TREH: variants seen among roughly 807,000 people sequenced by gnomAD.
The protein encoded by TREH is alpha,alpha-trehalose glucohydrolase.
In TREH, 69 loss-of-function variants were observed where a neutral mutation model predicts 80.5. The observed-to-expected ratio is 0.86, with a 90% CI of 0.71 to 1.05. The LOEUF (loss-of-function observed/expected upper bound fraction) is 1.05. TREH is among the 50% of genes least tolerant of loss of function. The probability of loss-of-function intolerance (pLI) is 0.00; values close to 1 mark genes in which losing one functional copy is unlikely to be tolerated. For synonymous variants in TREH, 309 were observed against 293.5 expected (o/e 1.05, Z -0.54); for missense variants, 716 against 718.8 (o/e 1.00, Z 0.04).
rs781881348 is a variant in TREH at position 118,662,913 on chromosome 11, G to A, written c.391C>T (p.Leu131=). 1.9e-6 allele frequency: 3 copies of A among 1,604,968 alleles called. No individual in the cohort carries two copies. The highest frequency in any genetic ancestry group is 2.6e-6 in the Non-Finnish European group (3 of 1,175,610). The change falls in exon 4 of 15, where the codon CTG becomes TTG. Residue 131 remains leucine (L), a synonymous_variant. Transcript: ENST00000264029. ...DAKLRAWAGQ[L]HQLWKKLGKK... is the part of the protein sequence containing the mutation. ...CCCAGCTTCTTCCAGAGCTGATGCA[G>A]CTGCCCTGCCCAGGCACGCAGTTTG...
In TREH at chr11:118,658,134, C is replaced by G; in HGVS notation, c.*155G>C. The stretch of plus-strand genomic sequence containing the variant: ...TTCAAGGTTCCAGGAGGGAGCTAGG[C>G]CCCTACCCATGACCTCCAGGTCGTG... On this transcript the variant is annotated 3_prime_UTR_variant, in exon 15 of 15. Transcript: ENST00000264029. 6 of 1,062,774 alleles carry G rather than the reference C, an allele frequency of 5.6e-6. No homozygotes were observed. Among genetic ancestry groups the G allele is most frequent in the South Asian group, 1.6e-5 (1 of 60,786 alleles). 65.8% of individuals were successfully genotyped at this position (1,062,774 alleles called of 1,614,324 possible). A position where few individuals can be genotyped will look rare whatever the true frequency, so the allele number is the denominator to read the frequency against.
In TREH at chr11:118,661,359, G is replaced by A. The variant is rs1555144927; in HGVS notation, c.734+34C>T. On this transcript the variant is annotated intron_variant, in intron 7 of 14. Transcript: ENST00000264029. The surrounding 1 kb of genome is among the most constrained non-coding windows in gnomAD (Gnocchi z 4.2). The stretch of plus-strand genomic sequence containing the variant: ...CCTGAGAGGTCTGAGGGATGGGTGG[G>A]TCTGCAGAGCAGCACAGGGAGGGTG... The A allele has an allele frequency of 6.2e-7, 1 of 1,613,934 alleles. No homozygotes were observed. The highest frequency in any genetic ancestry group is 2.2e-5 in the East Asian group (1 of 44,878).
At position 118,671,101 on chromosome 11, in the gene TREH, A is replaced by T. The variant is rs117994385; in HGVS notation, c.90-7662T>A. On this transcript the variant is annotated intron_variant, in intron 1 of 14. Coordinates refer to ENST00000264029, the MANE Select transcript of TREH (RefSeq NM_007180.3). ...TCCCATTCATATAGGGCAGGCTTAC[A>T]TAGGTACAGAACTAGTAAGCTATCT... is the stretch of plus-strand genomic sequence containing the variant. 2.0e-3 allele frequency among the ~76,000 whole-genome samples: 306 copies of T among 152,294 alleles called. 10 individuals carry two copies. The East Asian group carries it at 0.044, about 22-fold the overall frequency.
chr11:118,661,623 C>T lies in TREH; in HGVS notation c.617+14G>A. On this transcript the variant is annotated intron_variant, in intron 6 of 14. Transcript: ENST00000264029. The surrounding 1 kb of genome is among the most constrained non-coding windows in gnomAD (Gnocchi z 4.2). ...TCCTCCCCACCTAGGCTGGAGGTGCCTGGCCCCCCTCACGTTTTCACCAGG... is the reference window on the plus strand; with the variant it reads ...TCCTCCCCACCTAGGCTGGAGGTGCTTGGCCCCCCTCACGTTTTCACCAGG... 1.2e-6 allele frequency: 2 copies of T among 1,613,908 alleles called. No individual in the cohort carries two copies. The highest frequency in any genetic ancestry group is 2.2e-5 in the South Asian group (2 of 91,082).
chr11:118,667,130 T>C (rs1211735210), intron 1 of TREH, among the ~76,000 whole-genome samples: 1 of 151,914 alleles, frequency 6.6e-6, no homozygotes, highest in Non-Finnish European at 1.5e-5. Flanking sequence ...GATCCGCCCG[T>C]CTCAGCCTCC....
chr11:118,657,324 G>A lies in TREH; in HGVS notation c.*965C>T, dbSNP rs1949164718. 6.5e-6 allele frequency: 1 copy of A among 154,714 alleles called. No individual in the cohort carries two copies. Among genetic ancestry groups the A allele is most frequent in the South Asian group, 2.0e-4 (1 of 4,974 alleles). 9.6% of individuals were successfully genotyped at this position (154,714 alleles called of 1,614,324 possible). A position where few individuals can be genotyped will look rare whatever the true frequency, so the allele number is the denominator to read the frequency against. ...GCCAGAGATCTCAAGTGTCAACCTT[G>A]AGGTCCCAGCTCCATCCCCTAGTTG... On this transcript the variant is annotated 3_prime_UTR_variant, in exon 15 of 15. Transcript: ENST00000264029.
intron 1 of TREH, among the ~76,000 whole-genome samples, chr11:118,672,346 TGAG>T (rs1949437434): frequency 6.6e-6 from 1 of 151,326 alleles, no homozygotes; most frequent in African/African-American, 2.4e-5. Context: ...TGCAGTGAGC[TGAG>T]ATCTCGCCCC....
In TREH at chr11:118,663,344, GC is replaced by G. The variant is rs781997301; in HGVS notation, c.184del (p.Ala62LeufsTer81). On this transcript the variant is annotated frameshift_variant, in exon 2 of 15. Coordinates refer to ENST00000264029, the MANE Select transcript of TREH (RefSeq NM_007180.3). LOFTEE classifies it high-confidence loss of function. ...TTCAGCCCTAGGTGCTTCACCTGGA[GC>G]TATAGACAGTGGCATGTCCACAAAC... ...KQFVDMPLSI[A>X]PEQVLQTFTE... 6.3e-7 allele frequency: 1 copy of G among 1,588,446 alleles called. No individual in the cohort carries two copies. The highest frequency in any genetic ancestry group is 8.6e-7 in the Non-Finnish European group (1 of 1,167,046).
intron 1 of TREH, among the ~76,000 whole-genome samples, chr11:118,665,297 A>T (rs572038969): frequency 1.0e-3 from 154 of 152,226 alleles, no homozygotes; most frequent in Non-Finnish European, 2.1e-3. Context: ...TGGCCCCACG[A>T]CTAGGACTGC....
chr11:118,663,511 T>C, intron 1 of TREH, 72 bp from the exon 2 acceptor site: 1 of 1,272,328 alleles, frequency 7.9e-7, no homozygotes, highest in Non-Finnish European at 1.1e-6. Flanking sequence ...AAGGCTAGAG[T>C]CTGTGGTAGA....
chr11:118,661,356 T>G lies in TREH; in HGVS notation c.734+37A>C, dbSNP rs1555144926. ...AGCCCTGAGAGGTCTGAGGGATGGG[T>G]GGGTCTGCAGAGCAGCACAGGGAGG... On this transcript the variant is annotated intron_variant, in intron 7 of 14. Coordinates refer to ENST00000264029, the MANE Select transcript of TREH (RefSeq NM_007180.3). This position sits in a 1 kb window ranked among gnomAD's most constrained non-coding sequence, Gnocchi z 4.2. The G allele has an allele frequency of 6.2e-7, 1 of 1,613,724 alleles. No homozygotes were observed. Among genetic ancestry groups the G allele is most frequent in the Non-Finnish European group, 8.5e-7 (1 of 1,179,780 alleles).
intron 4 of TREH, chr11:118,662,643 G>A: frequency 1.9e-6 from 1 of 534,108 alleles, no homozygotes; most frequent in Admixed American, 3.3e-5. Context: ...GGGCAGGCTA[G>A]GGTTTCCTGG....
intron 1 of TREH, among the ~76,000 whole-genome samples, chr11:118,673,342 C>T (rs1555146502): frequency 6.6e-6 from 1 of 152,196 alleles, no homozygotes; most frequent in African/African-American, 2.4e-5. Flanking sequence ...CTTGTCAGGA[C>T]CCAGGTAGCC....
rs1949322377 is a variant in TREH at position 118,661,573 on chromosome 11, T to C, written c.617+64A>G. 12 of 1,612,972 alleles carry C rather than the reference T, an allele frequency of 7.4e-6. No individual in the cohort carries two copies. The East Asian group carries it at 2.7e-4, about 36-fold the overall frequency. ...GCAACTGGCACCAAGGCAATCCAGC[T>C]GCATGCCCGTGGCACACCTGCCTCT... is the stretch of plus-strand genomic sequence containing the variant. On this transcript the variant is annotated intron_variant, in intron 6 of 14. Transcript: ENST00000264029. The surrounding 1 kb of genome is among the most constrained non-coding windows in gnomAD (Gnocchi z 4.2).
rs560799914 is a variant in TREH at position 118,659,831 on chromosome 11, C to T, written c.1236G>A (p.Glu412=). 7 of 1,568,528 alleles carry T rather than the reference C, an allele frequency of 4.5e-6. No homozygotes were observed. In the East Asian group the frequency reaches 1.6e-4, roughly 37 times the overall value. ...GTGGAGTGAGGTTGGATGGGTAAAA[C>T]TCCCGGTTTTTCTTCTTCTTCTCAA... is the stretch of plus-strand genomic sequence containing the variant. ...YDLEKKKKNR[E]FYPSNLTPLW... Residue 412 remains glutamate, a synonymous_variant, in exon 11 of 15, where the codon GAG becomes GAA. Transcript: ENST00000264029.
intron 1 of TREH, among the ~76,000 whole-genome samples, chr11:118,677,274 A>T (rs1555146958): frequency 1.3e-5 from 2 of 152,268 alleles, no homozygotes. Context: ...GCAATACTTC[A>T]TGCGTGCTGT....
chr11:118,678,201 C>A (rs1312115268), intron 1 of TREH, among the ~76,000 whole-genome samples: 1 of 152,158 alleles, frequency 6.6e-6, no homozygotes, highest in Non-Finnish European at 1.5e-5. Flanking sequence ...TCTCCCAGAT[C>A]AGCTCAGCAA....
chr11:118,661,621 G>T lies in TREH; in HGVS notation c.617+16C>A. On this transcript the variant is annotated intron_variant, in intron 6 of 14. Transcript: ENST00000264029. The surrounding 1 kb of genome is among the most constrained non-coding windows in gnomAD (Gnocchi z 4.2). ...TCTCCTCCCCACCTAGGCTGGAGGT[G>T]CCTGGCCCCCCTCACGTTTTCACCA... 6.2e-7 allele frequency: 1 copy of T among 1,613,860 alleles called. No homozygotes were observed. Among genetic ancestry groups the T allele is most frequent in the Non-Finnish European group, 8.5e-7 (1 of 1,179,858 alleles).
chr11:118,669,246 G>T (rs1949408946), intron 1 of TREH, among the ~76,000 whole-genome samples: 1 of 152,130 alleles, frequency 6.6e-6, no homozygotes. Flanking sequence ...ACTGTTGGTG[G>T]GAATGTAAAT....
Sources: allele counts gnomAD v4.1 joint callset (sites outside exome capture counted in the v4.1 genomes callset), GRCh38; gene constraint gnomAD v4.1.1; non-coding constraint Gnocchi (gnomAD v3.1); transcripts MANE v1.5; gene names NCBI Gene and HGNC (gene_info 2026-07-23, HGNC 2026-07-21).